FYN: variants seen among roughly 807,000 people sequenced by gnomAD.
The protein encoded by FYN is tyrosine-protein kinase Fyn.
FYN carries 10 observed loss-of-function variants against 70.2 expected under a neutral mutation model. The ratio of observed to expected loss-of-function variants is 0.14; its 90% CI spans 0.09 to 0.24. The LOEUF (loss-of-function observed/expected upper bound fraction) is 0.24, where lower values mean the gene tolerates loss of function less well. Ranked by LOEUF, FYN falls within the 10% of genes least tolerant of loss-of-function variation. The pLI, the probability that FYN is intolerant of heterozygous loss-of-function variation, is 1.00. For missense variants in FYN, 319 were observed against 673.1 expected, an observed-to-expected ratio of 0.47 and a Z score of 5.82; for synonymous variants, 236 against 248.6, an observed-to-expected ratio of 0.95 and a Z score of 0.48.
chr6:111,732,723 A>T (rs1020926213), intron 3 of FYN, among the ~76,000 whole-genome samples: 8 of 152,288 alleles, frequency 5.3e-5, no homozygotes, highest in Admixed American at 1.3e-4. Context: ...TTCAAAAGGG[A>T]GCTGGTCGTC....
At chr6:111,843,042 A>G (rs771691854) in intron 2 of FYN, among the ~76,000 whole-genome samples, 4 of 152,232 alleles carry the variant, frequency 2.6e-5, no homozygotes, top group Admixed American at 6.5e-5. Context: ...AATAGGCAGT[A>G]GTGTTTGTGG....
intron 1 of FYN, among the ~76,000 whole-genome samples, chr6:111,860,733 T>C (rs1773940790): frequency 6.6e-6 from 1 of 152,236 alleles, no homozygotes; most frequent in Admixed American, 6.5e-5. Flanking sequence ...GTTCTGTTCA[T>C]TCTACCACAG....
chr6:111,670,729 G>T (rs576515005), intron 13 of FYN, among the ~76,000 whole-genome samples: 79 of 121,200 alleles, frequency 6.5e-4, no homozygotes, highest in African/African-American at 2.4e-3. Flanking sequence ...GTGTTTTCTA[G>T]AATACTAACT....
chr6:111,698,429 G>A (rs1008717373), intron 9 of FYN, among the ~76,000 whole-genome samples: 11 of 152,234 alleles, frequency 7.2e-5, no homozygotes, highest in Admixed American at 5.9e-4. Flanking sequence ...CACTGTGCCC[G>A]GCCACCTGTA....
intron 2 of FYN, among the ~76,000 whole-genome samples, chr6:111,832,090 C>A (rs1212231180): frequency 6.6e-6 from 1 of 152,100 alleles, no homozygotes; most frequent in East Asian, 1.9e-4. Context: ...ACATTATAAT[C>A]CATACATTAA....
At chr6:111,734,916 T>C (rs975564376) in intron 3 of FYN, among the ~76,000 whole-genome samples, 9 of 152,214 alleles carry the variant, frequency 5.9e-5, no homozygotes, top group African/African-American at 2.2e-4. Context: ...ACACATGGCC[T>C]CTGTCCTCAG....
At chr6:111,872,830 C>T (rs1774325057) in intron 1 of FYN, 138 bp downstream of exon 1, 1 of 151,616 alleles carries the variant, frequency 6.6e-6, no homozygotes, top group Admixed American at 6.6e-5. Flanking sequence ...CCCCGGCAGC[C>T]CCGCGGAGCG....
chr6:111,728,000 C>T (rs1801268120), intron 3 of FYN, among the ~76,000 whole-genome samples: 1 of 152,308 alleles, frequency 6.6e-6, no homozygotes, highest in South Asian at 2.1e-4. Flanking sequence ...ATGGAAGCAT[C>T]AGACCCCAGT....
At chr6:111,785,774 C>T (rs1272430160) in intron 2 of FYN, among the ~76,000 whole-genome samples, 1 of 151,092 alleles carries the variant, frequency 6.6e-6, no homozygotes, top group Non-Finnish European at 1.5e-5. Context: ...CACCCATTAA[C>T]TCGTCATTTA....
At chr6:111,809,057 G>A (rs73527786) in intron 2 of FYN, among the ~76,000 whole-genome samples, 5,496 of 152,186 alleles carry the variant, frequency 0.036, 231 homozygotes, top group African/African-American at 0.11. Flanking sequence ...TACAGAAAAG[G>A]AAAATATCTC....
intron 3 of FYN, among the ~76,000 whole-genome samples, chr6:111,752,335 A>G (rs1802526091): frequency 6.6e-6 from 1 of 152,246 alleles, no homozygotes. Context: ...TGAATAAGCT[A>G]TCAGCCCACT....
chr6:111,664,721 C>T (rs1269090009), intron 13 of FYN, among the ~76,000 whole-genome samples: 1 of 152,098 alleles, frequency 6.6e-6, no homozygotes, highest in Non-Finnish European at 1.5e-5. Context: ...TTCCTGTCTG[C>T]ACCCCTCCGC....
chr6:111,674,713 G>A (rs1798456399), intron 12 of FYN, 83 bp from the exon 13 acceptor site: 2 of 1,473,388 alleles, frequency 1.4e-6, no homozygotes, highest in Non-Finnish European at 1.8e-6. Context: ...CACTTGGCAA[G>A]CTACTTTCCT....
intron 12 of FYN, among the ~76,000 whole-genome samples, chr6:111,691,163 C>G (rs752997707): frequency 1.4e-4 from 22 of 152,168 alleles, no homozygotes; most frequent in Non-Finnish European, 2.8e-4. Flanking sequence ...CCTTGACCAC[C>G]TCCCTGACAT....
At chr6:111,762,347 A>G (rs1803040631) in intron 3 of FYN, among the ~76,000 whole-genome samples, 1 of 152,150 alleles carries the variant, frequency 6.6e-6, no homozygotes, top group Non-Finnish European at 1.5e-5. Context: ...TAAAATTCTA[A>G]GCCCCCCAAG....
At chr6:111,692,107 C>CA (rs1482239073) in intron 12 of FYN, among the ~76,000 whole-genome samples, 9 of 148,368 alleles carry the variant, frequency 6.1e-5, no homozygotes, top group African/African-American at 2.2e-4. Context: ...CATTTCCCCC[C>CA]CCCCCAGTTC....
At chr6:111,785,701 G>A (rs1434119272) in intron 2 of FYN, among the ~76,000 whole-genome samples, 7 of 151,296 alleles carry the variant, frequency 4.6e-5, no homozygotes, top group Non-Finnish European at 7.4e-5. Flanking sequence ...TTAAGTTCTA[G>A]GGTACATGTA....
chr6:111,818,684 C>T (rs551144969), intron 2 of FYN: 1 of 152,510 alleles, frequency 6.6e-6, no homozygotes, highest in Non-Finnish European at 1.5e-5. Context: ...TGCTTCTACC[C>T]AAAGCTGTCT....
At chr6:111,831,596 A>C (rs1773018368) in intron 2 of FYN, among the ~76,000 whole-genome samples, 1 of 152,220 alleles carries the variant, frequency 6.6e-6, no homozygotes, top group African/African-American at 2.4e-5. Context: ...GATGTTATCA[A>C]GTAGACTGTG....
Sources: gnomAD v4.1 joint callset for allele counts (sites outside exome capture counted in the v4.1 genomes callset) on GRCh38, gnomAD v4.1.1 for gene constraint, MANE v1.5 for transcripts, NCBI Gene and HGNC (gene_info 2026-07-23, HGNC 2026-07-21) for gene names.